Variants in ARNT2 observed in about 807,000 individuals in gnomAD.
ARNT2 encodes the protein aryl hydrocarbon receptor nuclear translocator 2, also known as ARNT protein 2.
Under a neutral mutation model 91.7 loss-of-function variants are expected in ARNT2, and 36 were observed. That is an observed-to-expected ratio of 0.39 (90% CI 0.30 to 0.52). The LOEUF is 0.52. ARNT2 is among the 20% of genes least tolerant of loss of function. The pLI is 0.72. For synonymous variants in ARNT2, 365 were observed against 347.1 expected, an observed-to-expected ratio of 1.05 and a Z score of -0.57; for missense variants, 775 against 939.3, an observed-to-expected ratio of 0.83 and a Z score of 2.29.
At position 80,551,255 on chromosome 15, in the gene ARNT2, G is replaced by C; in HGVS notation, c.934G>C (p.Val312Leu). Residue 312 changes from valine (V) to leucine (L), a missense_variant, in exon 9 of 19, where the codon GTG becomes CTG. Physicochemically the swap from Val to Leu is conservative, Grantham distance 32. Transcript: ENST00000303329. ...GGGACAAGGCAGTAAATATTGCCTC[G>C]TGGCAATTGGGAGACTCCAGGTAAG... ...DVGQGSKYCLVAIGRLQVTSS... is the reference protein window; with the variant it reads ...DVGQGSKYCLLAIGRLQVTSS... The C allele has an allele frequency of 6.2e-7, 1 of 1,613,890 alleles. No homozygotes were observed.
chr15:80,490,959 C>T (rs1897048580), intron 5 of ARNT2, among the ~76,000 whole-genome samples: 1 of 152,102 alleles, frequency 6.6e-6, no homozygotes, highest in Admixed American at 6.5e-5. Context: ...CCCTAATTTA[C>T]ACGTTAGAGG....
At chr15:80,473,407 A>G (rs1191968547) in intron 4 of ARNT2, among the ~76,000 whole-genome samples, 1 of 152,142 alleles carries the variant, frequency 6.6e-6, no homozygotes, top group African/African-American at 2.4e-5. Context: ...CTGGACAAAA[A>G]TGTGAATTCA....
intron 17 of ARNT2, among the ~76,000 whole-genome samples, chr15:80,586,756 G>T (rs1893179126): frequency 6.6e-6 from 1 of 150,950 alleles, no homozygotes; most frequent in Admixed American, 6.6e-5. Context: ...CAGGAGAATT[G>T]CTTGAACCTG....
chr15:80,533,356 A>G (rs1413973127), intron 8 of ARNT2, among the ~76,000 whole-genome samples: 1 of 152,192 alleles, frequency 6.6e-6, no homozygotes, highest in East Asian at 1.9e-4. Flanking sequence ...ATAAGGACGC[A>G]GGGGCTACTG....
intron 5 of ARNT2, among the ~76,000 whole-genome samples, chr15:80,505,598 A>G (rs1897262197): frequency 6.6e-6 from 1 of 152,218 alleles, no homozygotes; most frequent in African/African-American, 2.4e-5. Flanking sequence ...CATTTTTACC[A>G]ATGAGGTAGC....
In ARNT2 at chr15:80,564,167, G is replaced by C. The variant is rs114257075; in HGVS notation, c.1316+928G>C. On this transcript the variant is annotated intron_variant, in intron 12 of 18. Coordinates refer to ENST00000303329, the MANE Select transcript of ARNT2 (RefSeq NM_014862.4). The stretch of plus-strand genomic sequence containing the variant: ...TCCCCATGTCTCACCATCGTAGTCA[G>C]TGGCACCAGCATCCATCATTTTCCC... Among the ~76,000 whole-genome samples, 242 of 152,282 alleles carry C rather than the reference G, an allele frequency of 1.6e-3. 1 individual carries two copies. Among genetic ancestry groups the C allele is most frequent in the African/African-American group, 5.6e-3 (231 of 41,564 alleles).
intron 12 of ARNT2, among the ~76,000 whole-genome samples, chr15:80,571,122 A>C (rs551125750): frequency 6.6e-6 from 1 of 152,322 alleles, no homozygotes; most frequent in South Asian, 2.1e-4. Flanking sequence ...CCCAGATGAA[A>C]GTTATAGGGA....
chr15:80,591,861 T>C lies in ARNT2; in HGVS notation c.2055+157T>C. 7 of 761,242 alleles carry C rather than the reference T, an allele frequency of 9.2e-6. No homozygotes were observed. The highest frequency in any genetic ancestry group is 1.1e-5 in the Non-Finnish European group (7 of 625,286). The allele number at this position is 761,242 out of a possible 1,614,324, so 47.2% of individuals were successfully genotyped here. ...AGTCCAGGAGTAGAAAGCCCCATCC[T>C]ACCCAGCCAGAAACGTCAGGTGCAT... On this transcript the variant is annotated intron_variant, in intron 18 of 18. Coordinates refer to ENST00000303329, the MANE Select transcript of ARNT2 (RefSeq NM_014862.4). The surrounding 1 kb of genome is among the most constrained non-coding windows in gnomAD (Gnocchi z 5.1).
At chr15:80,587,777 CAGAA>C (rs1300907552) in intron 17 of ARNT2, among the ~76,000 whole-genome samples, 2 of 152,124 alleles carry the variant, frequency 1.3e-5, no homozygotes, top group Non-Finnish European at 2.9e-5. Flanking sequence ...ATGTACATGA[CAGAA>C]AGAACACATG....
chr15:80,591,646 G>T lies in ARNT2; in HGVS notation c.1997G>T (p.Gly666Val). 6.2e-7 allele frequency: 1 copy of T among 1,614,164 alleles called. No homozygotes were observed. The highest frequency in any genetic ancestry group is 8.5e-7 in the Non-Finnish European group (1 of 1,180,006). ...VWSQWQSQHH[G>V]QQSGEQHSHQ... Reference sequence around the variant, plus strand: ...TCGCAGTGGCAAAGCCAGCACCATGGCCAGCAGAGCGGTGAGCAGCACTCC... The same window carrying T: ...TCGCAGTGGCAAAGCCAGCACCATGTCCAGCAGAGCGGTGAGCAGCACTCC... The change falls in exon 18 of 19, where the codon GGC becomes GTC. Residue 666 changes from glycine (G) to valine (V), a missense_variant. Around this residue, in one of 5 missense-constraint regions of ARNT2, gnomAD observed 325 missense variants for 359.9 expected, o/e 0.90. Coordinates refer to ENST00000303329, the MANE Select transcript of ARNT2 (RefSeq NM_014862.4). The surrounding 1 kb of genome is among the most constrained non-coding windows in gnomAD (Gnocchi z 5.1).
rs996059967 is a variant in ARNT2 at position 80,590,767 on chromosome 15, T to C, written c.1919-801T>C. Among the ~76,000 whole-genome samples, 4 of 152,354 alleles carry C rather than the reference T, an allele frequency of 2.6e-5. No homozygotes were observed. The East Asian group carries it at 7.7e-4, about 29-fold the overall frequency. The stretch of plus-strand genomic sequence containing the variant: ...GTATGTAAAAAACCAATTCCACTTA[T>C]GTTTCCTATTTTTTGTTTTCTTCCA... On this transcript the variant is annotated intron_variant, in intron 17 of 18. Coordinates refer to ENST00000303329, the MANE Select transcript of ARNT2 (RefSeq NM_014862.4).
chr15:80,417,332 T>C (rs1288051041), intron 1 of ARNT2, among the ~76,000 whole-genome samples: 1 of 54,720 alleles, frequency 1.8e-5, no homozygotes, highest in Non-Finnish European at 4.4e-5. Flanking sequence ...TTTTAGGAAA[T>C]TAATTTATGA....
At chr15:80,536,911 G>A (rs1449020887) in intron 8 of ARNT2, among the ~76,000 whole-genome samples, 1 of 152,130 alleles carries the variant, frequency 6.6e-6, no homozygotes, top group African/African-American at 2.4e-5. Flanking sequence ...TACATGACAG[G>A]CTATGGAGGA....
chr15:80,517,015 GAACA>G lies in ARNT2; in HGVS notation c.877+2615_877+2618del, dbSNP rs887998441. Among the ~76,000 whole-genome samples the G allele has an allele frequency of 1.1e-4, 17 of 150,858 alleles. 1 individual carries two copies. In the South Asian group the frequency reaches 2.9e-3, roughly 26 times the overall value. On this transcript the variant is annotated intron_variant, in intron 8 of 18. Transcript: ENST00000303329. Reference sequence around the variant, plus strand: ...AATACATTGTTACTGTTATTGCTTTGAACAAACAGTTATCTATTAGATCAATTTA... The same window carrying G: ...AATACATTGTTACTGTTATTGCTTTGAACAGTTATCTATTAGATCAATTTA...
chr15:80,578,790 A>C (rs1456481974), intron 15 of ARNT2, among the ~76,000 whole-genome samples: 1 of 152,132 alleles, frequency 6.6e-6, no homozygotes, highest in Non-Finnish European at 1.5e-5. Context: ...TGAATGAATA[A>C]ATGACTGAGT....
intron 5 of ARNT2, among the ~76,000 whole-genome samples, chr15:80,504,089 C>T (rs535785850): frequency 9.8e-5 from 15 of 152,330 alleles, no homozygotes; most frequent in African/African-American, 3.1e-4. Flanking sequence ...TTCACTCCCC[C>T]ACACCTTCCT....
chr15:80,429,427 G>T lies in ARNT2; in HGVS notation c.32-21453G>T, dbSNP rs184920434. Among the ~76,000 whole-genome samples, 9 of 152,352 alleles carry T rather than the reference G, an allele frequency of 5.9e-5. No homozygotes were observed. The East Asian group carries it at 1.5e-3, about 26-fold the overall frequency. ...GGAACCTCCCGGTTGGTGAACACAT[G>T]GAGGCGCTCGCAAGGTGGGGCGCCT... is the stretch of plus-strand genomic sequence containing the variant. On this transcript the variant is annotated intron_variant, in intron 1 of 18. Transcript: ENST00000303329.
Position 80,591,549 on chromosome 15 carries a change from T to C in ARNT2, c.1919-19T>C, listed in dbSNP as rs751610275. The C allele has an allele frequency of 5.9e-5, 95 of 1,613,900 alleles. 1 individual carries two copies. In the South Asian group the frequency reaches 1.0e-3, roughly 17 times the overall value. ...GGGATGGCTTTTAAAGGAAGTGTCCTGTGTGTCGAATCTTTCAGCTGAAAG... is the reference window on the plus strand; with the variant it reads ...GGGATGGCTTTTAAAGGAAGTGTCCCGTGTGTCGAATCTTTCAGCTGAAAG... On this transcript the variant is annotated intron_variant, in intron 17 of 18. Transcript: ENST00000303329. This position sits in a 1 kb window ranked among gnomAD's most constrained non-coding sequence, Gnocchi z 5.1.
At chr15:80,576,808 C>G in intron 14 of ARNT2, 58 bp from the exon 15 acceptor site, 1 of 1,590,722 alleles carries the variant, frequency 6.3e-7, no homozygotes, top group African/African-American at 1.3e-5. Context: ...GGGCAGCCTC[C>G]TCTGTGGTCT....
Sources: gnomAD v4.1 joint callset for allele counts (sites outside exome capture counted in the v4.1 genomes callset) on GRCh38, gnomAD v4.1.1 for gene constraint, gnomAD v4.1.1 regional missense constraint, Gnocchi (gnomAD v3.1) non-coding constraint, MANE v1.5 for transcripts, NCBI Gene and HGNC (gene_info 2026-07-23, HGNC 2026-07-21) for gene names.